Variants in PAM observed in about 807,000 individuals in gnomAD.
PAM encodes the protein peptidylglycine alpha-amidating monooxygenase, also known as peptidyl-glycine alpha-amidating monooxygenase.
A neutral mutation model predicts 122.1 loss-of-function variants in PAM; 72 were observed. The observed-to-expected ratio is 0.59, with a 90% CI of 0.49 to 0.72. PAM has a LOEUF of 0.72. Among genes scored for constraint, PAM ranks in the 30% least tolerant of loss-of-function variants. PAM has a pLI of 0.00. For synonymous variants in PAM, 389 were observed against 404.4 expected (o/e 0.96, Z 0.46); for missense variants, 1,106 against 1,183.7 (o/e 0.93, Z 0.96).
intron 21 of PAM, among the ~76,000 whole-genome samples, chr5:103,012,618 G>A (rs1312428241): frequency 6.6e-6 from 1 of 152,078 alleles, no homozygotes; most frequent in Non-Finnish European, 1.5e-5. Context: ...ACTTTGGCAG[G>A]CTGAGACGGG....
chr5:102,973,193 C>T (rs545714314), intron 14 of PAM, among the ~76,000 whole-genome samples: 4 of 152,192 alleles, frequency 2.6e-5, no homozygotes. Context: ...GGTGGTTGCC[C>T]TTGGGTTTGG....
chr5:102,766,168 G>C (rs1040429289), intron 1 of PAM, among the ~76,000 whole-genome samples: 4 of 152,168 alleles, frequency 2.6e-5, no homozygotes, highest in Admixed American at 6.5e-5. Context: ...TTTTTCCATG[G>C]ACTGGGGTGG....
chr5:102,763,455 ATAG>A (rs1752986928), intron 1 of PAM, among the ~76,000 whole-genome samples: 1 of 152,172 alleles, frequency 6.6e-6, no homozygotes, highest in Non-Finnish European at 1.5e-5. Flanking sequence ...AGTGAAGAGT[ATAG>A]GAGGAAGACA....
At chr5:102,848,447 T>C (rs1057405441) in intron 1 of PAM, among the ~76,000 whole-genome samples, 2 of 152,202 alleles carry the variant, frequency 1.3e-5, no homozygotes, top group Admixed American at 6.5e-5. Flanking sequence ...AAAGCCTCAC[T>C]GTGGAAAGGG....
intron 1 of PAM, among the ~76,000 whole-genome samples, chr5:102,791,440 T>A (rs1762034596): frequency 6.6e-6 from 1 of 152,018 alleles, no homozygotes; most frequent in Non-Finnish European, 1.5e-5. Context: ...CATGAACATT[T>A]TTTATATTAT....
intron 1 of PAM, among the ~76,000 whole-genome samples, chr5:102,759,464 A>G (rs1252484986): frequency 2.0e-5 from 3 of 152,198 alleles, no homozygotes; most frequent in Non-Finnish European, 4.4e-5. Context: ...GTCTAAAGGG[A>G]AAAGTAGATA....
intron 7 of PAM, among the ~76,000 whole-genome samples, chr5:102,942,403 T>A (rs1210293763): frequency 1.3e-5 from 2 of 152,068 alleles, no homozygotes; most frequent in Non-Finnish European, 2.9e-5. Context: ...CATCTATGTA[T>A]GTGTATTATT....
chr5:102,940,305 T>C (rs1754736277), intron 7 of PAM, among the ~76,000 whole-genome samples: 1 of 151,814 alleles, frequency 6.6e-6, no homozygotes, highest in Admixed American at 6.6e-5. Flanking sequence ...TTTCATTTCA[T>C]GATTTATTTT....
At chr5:102,890,919 G>A (rs914061100) in intron 3 of PAM, among the ~76,000 whole-genome samples, 7 of 151,862 alleles carry the variant, frequency 4.6e-5, no homozygotes, top group African/African-American at 1.7e-4. Flanking sequence ...TGTGTGACAA[G>A]TATCCACTGG....
chr5:102,755,777 G>C (rs997061427), intron 1 of PAM, among the ~76,000 whole-genome samples: 1 of 151,898 alleles, frequency 6.6e-6, no homozygotes, highest in Non-Finnish European at 1.5e-5. Context: ...TCGGTTCTCC[G>C]CCCGCCCTTC....
In PAM at chr5:102,830,211, T is replaced by C. The variant is rs1377560246; in HGVS notation, c.-373-35612T>C. On this transcript the variant is annotated intron_variant, in intron 1 of 25. Coordinates refer to ENST00000438793, the MANE Select transcript of PAM (RefSeq NM_001177306.2). ...ACCTAGAAATATTTATATCTGTACC[T>C]GCATTGCGTCCCCATTTTCTCATTT... Among the ~76,000 whole-genome samples, 3 of 152,236 alleles carry C rather than the reference T, an allele frequency of 2.0e-5. No homozygotes were observed. The East Asian group carries it at 5.8e-4, about 29-fold the overall frequency.
In PAM at chr5:102,932,101, G is replaced by T. The variant is rs114933175; in HGVS notation, c.526+5433G>T. ...AAAGCTCTAGTTAGAACACTCAGAG[G>T]ATGATTGTTTTCAATAGCCAAATTT... On this transcript the variant is annotated intron_variant, in intron 7 of 25. Transcript: ENST00000438793. 5.6e-3 allele frequency among the ~76,000 whole-genome samples: 858 copies of T among 152,232 alleles called. 2 individuals are homozygous for T. The highest frequency in any genetic ancestry group is 9.6e-3 in the Non-Finnish European group (654 of 68,018).
chr5:102,850,734 G>A (rs1437739283), intron 1 of PAM, among the ~76,000 whole-genome samples: 2 of 152,176 alleles, frequency 1.3e-5, no homozygotes, highest in Admixed American at 6.5e-5. Flanking sequence ...GGGGCGGCTG[G>A]CGGGGTGGTG....
At chr5:103,007,718 T>C (rs1002825801) in intron 20 of PAM, 61 bp downstream of exon 20, 14 of 1,081,024 alleles carry the variant, frequency 1.3e-5, no homozygotes, top group Admixed American at 9.3e-5. Context: ...TTAAAAATTG[T>C]GTTATCTTAA....
At chr5:103,017,980 A>T (rs1328273003) in intron 22 of PAM, among the ~76,000 whole-genome samples, 1 of 152,180 alleles carries the variant, frequency 6.6e-6, no homozygotes, top group Admixed American at 6.5e-5. Flanking sequence ...CTCCATCAGG[A>T]TCCTGCCAAC....
chr5:102,932,794 CCTTTT>C (rs1752031487), intron 7 of PAM, among the ~76,000 whole-genome samples: 1 of 152,008 alleles, frequency 6.6e-6, no homozygotes, highest in Non-Finnish European at 1.5e-5. Context: ...TCCCCTTCTC[CCTTTT>C]CTTCATAACT....
intron 4 of PAM, among the ~76,000 whole-genome samples, chr5:102,913,401 A>G (rs544333536): frequency 1.3e-5 from 2 of 152,032 alleles, no homozygotes; most frequent in South Asian, 4.1e-4. Context: ...GTAAAGATAC[A>G]TTTTCCACTT....
chr5:102,969,409 G>C (rs1011685278), intron 14 of PAM, among the ~76,000 whole-genome samples: 1 of 152,100 alleles, frequency 6.6e-6, no homozygotes, highest in Non-Finnish European at 1.5e-5. Context: ...CATCAGTTCC[G>C]TAGAGGTAGA....
intron 1 of PAM, among the ~76,000 whole-genome samples, chr5:102,784,033 A>G (rs1759792279): frequency 6.6e-6 from 1 of 152,086 alleles, no homozygotes; most frequent in Non-Finnish European, 1.5e-5. Context: ...AGCTGGGACT[A>G]AAGGCGCCCG....
Sources: gnomAD v4.1 joint callset for allele counts (sites outside exome capture counted in the v4.1 genomes callset) on GRCh38, gnomAD v4.1.1 for gene constraint, MANE v1.5 for transcripts, NCBI Gene and HGNC (gene_info 2026-07-23, HGNC 2026-07-21) for gene names.